Variants in FGF12 observed in about 807,000 individuals in gnomAD.
FGF12 encodes the protein fibroblast growth factor 12.
In FGF12, 14 loss-of-function variants were observed where a neutral mutation model predicts 23.6. The ratio of observed to expected loss-of-function variants is 0.59; its 90% CI spans 0.39 to 0.93. The LOEUF (loss-of-function observed/expected upper bound fraction) is 0.93. Among genes scored for constraint, FGF12 ranks in the 40% least tolerant of loss-of-function variants. The pLI is 0.00. For synonymous variants in FGF12, 62 were observed against 77.3 expected (o/e 0.80, Z 1.04); for missense variants, 175 against 217.8 (o/e 0.80, Z 1.24).
chr3:192,392,449 A>ATAAATAAG (rs71177361), intron 2 of FGF12, among the ~76,000 whole-genome samples: 40 of 151,590 alleles, frequency 2.6e-4, no homozygotes, highest in African/African-American at 9.5e-4. Context: ...AAATAAATAA[A>ATAAATAAG]GCTGGGCATG....
intron 4 of FGF12, among the ~76,000 whole-genome samples, chr3:192,254,871 CAT>C (rs1560037160): frequency 6.6e-6 from 1 of 152,000 alleles, no homozygotes; most frequent in Non-Finnish European, 1.5e-5. Flanking sequence ...ATAATGAACA[CAT>C]ATAAAACTCC....
chr3:192,424,018 C>T (rs994293924), intron 2 of FGF12, among the ~76,000 whole-genome samples: 10 of 151,956 alleles, frequency 6.6e-5, no homozygotes, highest in East Asian at 1.9e-4. Context: ...TTTTCTTCTT[C>T]GGACCTTTTC....
chr3:192,682,275 T>A (rs1222971734), intron 2 of FGF12, among the ~76,000 whole-genome samples: 1 of 151,982 alleles, frequency 6.6e-6, no homozygotes, highest in Admixed American at 6.5e-5. Context: ...CGCACACAGC[T>A]GGTGCACACA....
chr3:192,660,470 C>A (rs1199178867), intron 2 of FGF12, among the ~76,000 whole-genome samples: 1 of 150,842 alleles, frequency 6.6e-6, no homozygotes, highest in Admixed American at 6.6e-5. Flanking sequence ...TGTAACAAAC[C>A]TGCACGTTGT....
At chr3:192,313,401 A>G (rs1716060428) in intron 4 of FGF12, among the ~76,000 whole-genome samples, 1 of 152,194 alleles carries the variant, frequency 6.6e-6, no homozygotes, top group Non-Finnish European at 1.5e-5. Context: ...TAGAGCTTTC[A>G]GTTCCCACAC....
intron 4 of FGF12, among the ~76,000 whole-genome samples, chr3:192,313,430 G>A (rs2108675073): frequency 6.6e-6 from 1 of 152,280 alleles, no homozygotes; most frequent in East Asian, 1.9e-4. Context: ...ACACTTCCCT[G>A]AAGAGAAAAC....
At chr3:192,320,883 C>T (rs137944148) in intron 4 of FGF12, among the ~76,000 whole-genome samples, 14 of 151,614 alleles carry the variant, frequency 9.2e-5, no homozygotes, top group Non-Finnish European at 1.6e-4. Flanking sequence ...ATAAACCTAA[C>T]GATGCATTGT....
chr3:192,582,438 TA>T (rs1713195750), intron 2 of FGF12, among the ~76,000 whole-genome samples: 1 of 152,178 alleles, frequency 6.6e-6, no homozygotes, highest in South Asian at 2.1e-4. Context: ...ATACATAGTT[TA>T]GCAAGTTATG....
At chr3:192,473,183 T>C (rs1723221449) in intron 2 of FGF12, among the ~76,000 whole-genome samples, 1 of 152,228 alleles carries the variant, frequency 6.6e-6, no homozygotes, top group Non-Finnish European at 1.5e-5. Flanking sequence ...AAATACAAGA[T>C]ACAAGGTATG....
At chr3:192,615,933 C>G (rs1161797005) in intron 2 of FGF12, among the ~76,000 whole-genome samples, 2 of 151,420 alleles carry the variant, frequency 1.3e-5, no homozygotes, top group Non-Finnish European at 2.9e-5. Flanking sequence ...CAAAATATCA[C>G]ATTTATCTAC....
chr3:192,180,322 T>C (rs924257203), intron 4 of FGF12, among the ~76,000 whole-genome samples: 9 of 152,188 alleles, frequency 5.9e-5, no homozygotes, highest in African/African-American at 1.7e-4. Context: ...AATTCACTAT[T>C]ATCATCAAAA....
At chr3:192,657,105 G>GTT (rs34724301) in intron 2 of FGF12, among the ~76,000 whole-genome samples, 49 of 149,752 alleles carry the variant, frequency 3.3e-4, no homozygotes, top group Admixed American at 4.7e-4. Context: ...CTGAGTTGAG[G>GTT]TTTTTTTTTT....
intron 2 of FGF12, among the ~76,000 whole-genome samples, chr3:192,539,730 G>A (rs1725318380): frequency 6.6e-6 from 1 of 152,026 alleles, no homozygotes; most frequent in South Asian, 2.1e-4. Flanking sequence ...GTTGATATTA[G>A]TTCTTCTTTA....
At chr3:192,341,771 C>G (rs1522261) in intron 3 of FGF12, among the ~76,000 whole-genome samples, 1 of 151,878 alleles carries the variant, frequency 6.6e-6, no homozygotes, top group Admixed American at 6.6e-5. Flanking sequence ...TTTTGATATG[C>G]GAAATGTCAT....
intron 2 of FGF12, among the ~76,000 whole-genome samples, chr3:192,433,345 G>A (rs1448738736): frequency 6.6e-6 from 1 of 152,098 alleles, no homozygotes; most frequent in East Asian, 1.9e-4. Flanking sequence ...AGTTTTGTGT[G>A]GCCTGAAGCT....
chr3:192,245,373 C>T (rs1182855724), intron 4 of FGF12, among the ~76,000 whole-genome samples: 1 of 152,128 alleles, frequency 6.6e-6, no homozygotes, highest in African/African-American at 2.4e-5. Flanking sequence ...CTGCCTTGGC[C>T]TCCCAAAATG....
At chr3:192,511,253 A>ACACACC (rs1211816814) in intron 2 of FGF12, among the ~76,000 whole-genome samples, 2 of 142,980 alleles carry the variant, frequency 1.4e-5, no homozygotes, top group African/African-American at 5.1e-5. Context: ...ACACACACAC[A>ACACACC]CCTGCTACTA....
At chr3:192,179,755 AG>A (rs761339676) in intron 4 of FGF12, among the ~76,000 whole-genome samples, 4 of 151,966 alleles carry the variant, frequency 2.6e-5, no homozygotes, top group Non-Finnish European at 5.9e-5. Context: ...TATATTGTCC[AG>A]GTTGGTCTCG....
chr3:192,238,172 C>A (rs917552259), intron 4 of FGF12: 2 of 152,400 alleles, frequency 1.3e-5, no homozygotes, highest in Non-Finnish European at 1.5e-5. Context: ...TGCTCTCTGG[C>A]CCCTTGAGAT....
Sources: gnomAD v4.1 joint callset for allele counts (sites outside exome capture counted in the v4.1 genomes callset) on GRCh38, gnomAD v4.1.1 for gene constraint, MANE v1.5 for transcripts, NCBI Gene and HGNC (gene_info 2026-07-23, HGNC 2026-07-21) for gene names.